Variants in KCNQ1 observed in about 807,000 individuals in gnomAD.
KCNQ1 encodes potassium voltage-gated channel subfamily Q member 1.
KCNQ1 carries 49 observed loss-of-function variants against 72.4 expected under a neutral mutation model. The observed-to-expected ratio is 0.68, with a 90% CI of 0.54 to 0.86. The LOEUF is 0.86. Ranked by LOEUF, KCNQ1 falls within the 40% of genes least tolerant of loss-of-function variation. The pLI is 0.00. For synonymous variants in KCNQ1, 450 were observed against 412.6 expected (o/e 1.09, Z -1.10); for missense variants, 790 against 945.1 (o/e 0.84, Z 2.15).
rs1847430566 is a variant in KCNQ1 at position 2,808,902 on chromosome 11, T to G, written c.1794+30865T>G. Among the ~76,000 whole-genome samples the G allele has an allele frequency of 6.6e-6, 1 of 151,268 alleles. No individual in the cohort carries two copies. Among genetic ancestry groups the G allele is most frequent in the African/African-American group, 2.4e-5 (1 of 41,034 alleles). On this transcript the variant is annotated intron_variant, in intron 15 of 15. Coordinates refer to ENST00000155840, the MANE Select transcript of KCNQ1 (RefSeq NM_000218.3). This position sits in a 1 kb window ranked among gnomAD's most constrained non-coding sequence, Gnocchi z 6.0. ...GATGAACACATGGACAATGGGTGGGTAGATGGGTGAATAGATGGGTGGACA... is the reference window on the plus strand; with the variant it reads ...GATGAACACATGGACAATGGGTGGGGAGATGGGTGAATAGATGGGTGGACA...
chr11:2,586,659 A>G (rs1449296055), intron 8 of KCNQ1, among the ~76,000 whole-genome samples: 1 of 152,072 alleles, frequency 6.6e-6, no homozygotes, highest in African/African-American at 2.4e-5. Context: ...TGTGTGTGTA[A>G]CACTCGGGCC....
chr11:2,616,810 A>G, intron 10 of KCNQ1: 1 of 398,258 alleles, frequency 2.5e-6, no homozygotes, highest in Non-Finnish European at 4.4e-6. Flanking sequence ...CTAACATATC[A>G]TCCCTCCTAG....
chr11:2,773,891 AG>A (rs1373899802), intron 12 of KCNQ1, among the ~76,000 whole-genome samples: 1 of 151,836 alleles, frequency 6.6e-6, no homozygotes, highest in Non-Finnish European at 1.5e-5. Flanking sequence ...ACCTTACAGA[AG>A]GGGAGGATTG....
rs979629265 is a variant in KCNQ1, at chr11:2,457,611, A to T, written c.386+12127A>T. ...GGACATAATGATGAGAACAAGAGAC[A>T]CTGGGGAATACAAGAGTGGGGAGGG... On this transcript the variant is annotated intron_variant, in intron 1 of 15. Coordinates refer to ENST00000155840, the MANE Select transcript of KCNQ1 (RefSeq NM_000218.3). This position sits in a 1 kb window ranked among gnomAD's most constrained non-coding sequence, Gnocchi z 5.0. 2.0e-5 allele frequency among the ~76,000 whole-genome samples: 3 copies of T among 151,144 alleles called. No homozygotes were observed. In the East Asian group the frequency reaches 5.8e-4, roughly 29 times the overall value.
chr11:2,585,074 C>T (rs529361287), intron 7 of KCNQ1, 138 bp from the exon 8 acceptor site: 17 of 771,378 alleles, frequency 2.2e-5, no homozygotes, highest in African/African-American at 2.0e-4. Context: ...AGGCTGGGCC[C>T]GAGGTGGGAC....
chr11:2,747,585 C>G (rs1846160729), intron 11 of KCNQ1, among the ~76,000 whole-genome samples: 1 of 150,924 alleles, frequency 6.6e-6, no homozygotes, highest in Non-Finnish European at 1.5e-5. Context: ...AGACAGGACC[C>G]TCAAGAAACA....
chr11:2,712,584 T>G lies in KCNQ1; in HGVS notation c.1514+50503T>G, dbSNP rs1465667461. Reference sequence around the variant, plus strand: ...TGGCGGCCCAAATGTTAGACACTCTTCTCTCTTAGGTGGTTTGAGGAGACT... The same window carrying G: ...TGGCGGCCCAAATGTTAGACACTCTGCTCTCTTAGGTGGTTTGAGGAGACT... On this transcript the variant is annotated intron_variant, in intron 11 of 15. Coordinates refer to ENST00000155840, the MANE Select transcript of KCNQ1 (RefSeq NM_000218.3). This position sits in a 1 kb window ranked among gnomAD's most constrained non-coding sequence, Gnocchi z 6.4. 6.6e-6 allele frequency among the ~76,000 whole-genome samples: 1 copy of G among 152,122 alleles called. No individual in the cohort carries two copies. The highest frequency in any genetic ancestry group is 1.5e-5 in the Non-Finnish European group (1 of 68,010).
chr11:2,657,388 A>G lies in KCNQ1; in HGVS notation c.1394-4573A>G, dbSNP rs2133850406. 1 of 398,576 alleles carries G rather than the reference A, an allele frequency of 2.5e-6. No individual in the cohort carries two copies. The highest frequency in any genetic ancestry group is 4.4e-6 in the Non-Finnish European group (1 of 226,046). The allele number at this position is 398,576 out of a possible 1,614,324, so 24.7% of individuals were successfully genotyped here. A position where few individuals can be genotyped will look rare whatever the true frequency, so the allele number is the denominator to read the frequency against. Reference sequence around the variant, plus strand: ...TATATCTTCTTCATTGTCTCTTACTAAAGTTTTACAATTTTCTCCAGAGTT... The same window carrying G: ...TATATCTTCTTCATTGTCTCTTACTGAAGTTTTACAATTTTCTCCAGAGTT... On this transcript the variant is annotated intron_variant, in intron 10 of 15. Coordinates refer to ENST00000155840, the MANE Select transcript of KCNQ1 (RefSeq NM_000218.3). This position sits in a 1 kb window ranked among gnomAD's most constrained non-coding sequence, Gnocchi z 4.8.
At chr11:2,697,409 G>A (rs1850695919) in intron 11 of KCNQ1, 1 of 398,446 alleles carries the variant, frequency 2.5e-6, no homozygotes, top group Non-Finnish European at 4.4e-6. Flanking sequence ...GGTATGGCCA[G>A]GATGACATCC....
chr11:2,753,273 CAG>C (rs761492637), intron 11 of KCNQ1, among the ~76,000 whole-genome samples: 35 of 152,166 alleles, frequency 2.3e-4, no homozygotes, highest in South Asian at 2.1e-4. Context: ...TGCCGCCACT[CAG>C]GGGGATGGGT....
intron 1 of KCNQ1, among the ~76,000 whole-genome samples, chr11:2,461,003 C>G (rs547661413): frequency 2.6e-5 from 4 of 152,128 alleles, no homozygotes; most frequent in Non-Finnish European, 5.9e-5. Flanking sequence ...CGGGGGTGTC[C>G]GGGAGTCGGA....
chr11:2,613,569 T>A lies in KCNQ1; in HGVS notation c.1393+24715T>A. On this transcript the variant is annotated intron_variant, in intron 10 of 15. Coordinates refer to ENST00000155840, the MANE Select transcript of KCNQ1 (RefSeq NM_000218.3). The surrounding 1 kb of genome is among the most constrained non-coding windows in gnomAD (Gnocchi z 4.8). The stretch of plus-strand genomic sequence containing the variant: ...CTGCTATTCTTAGGAAGGCTTAATA[T>A]TTTTTCTTTAATTAGCACTTTTCAA... 1 of 398,558 alleles carries A rather than the reference T, an allele frequency of 2.5e-6. No homozygotes were observed. Among genetic ancestry groups the A allele is most frequent in the Non-Finnish European group, 4.4e-6 (1 of 226,052 alleles). The allele number at this position is 398,558 out of a possible 1,614,324, so 24.7% of individuals were successfully genotyped here.
In KCNQ1 at chr11:2,587,568, A is replaced by G. The variant is rs768022350; in HGVS notation, c.1129-2A>G. The G allele has an allele frequency of 1.2e-6, 2 of 1,613,720 alleles. No individual in the cohort carries two copies. On this transcript the variant is annotated splice_acceptor_variant, in intron 8 of 15. Coordinates refer to ENST00000155840, the MANE Select transcript of KCNQ1 (RefSeq NM_000218.3). LOFTEE classifies it high-confidence loss of function. ...ACAGCCTGTCCCCCTGCCCGACCTC[A>G]GACCGCATGGAGGTGCTATGCTGCC...
chr11:2,806,382 TTGTC>T (rs775102024), intron 15 of KCNQ1, among the ~76,000 whole-genome samples: 6 of 152,170 alleles, frequency 3.9e-5, no homozygotes, highest in Admixed American at 2.6e-4. Context: ...CCTCCGTAAT[TTGTC>T]TGTCCTTCCC....
Position 2,657,345 on chromosome 11 carries a change from A to C in KCNQ1, c.1394-4616A>C, listed in dbSNP as rs1849867959. 2.5e-6 allele frequency: 1 copy of C among 398,616 alleles called. No individual in the cohort carries two copies. 24.7% of individuals were successfully genotyped at this position (398,616 alleles called of 1,614,324 possible). On this transcript the variant is annotated intron_variant, in intron 10 of 15. Transcript: ENST00000155840. This position sits in a 1 kb window ranked among gnomAD's most constrained non-coding sequence, Gnocchi z 4.8. ...ATTGAGTCTTCTAGTCATTGGAATGAAGGCATATTTCTCCATTTATATCTT... is the reference window on the plus strand; with the variant it reads ...ATTGAGTCTTCTAGTCATTGGAATGCAGGCATATTTCTCCATTTATATCTT...
intron 10 of KCNQ1, chr11:2,616,153 T>C: frequency 2.5e-6 from 1 of 398,110 alleles, no homozygotes; most frequent in Non-Finnish European, 4.4e-6. Context: ...CATAGTATTC[T>C]TTTATCACAC....
At position 2,698,494 on chromosome 11, in the gene KCNQ1, A is replaced by G; in HGVS notation, c.1514+36413A>G. The G allele has an allele frequency of 2.5e-6, 1 of 398,520 alleles. No homozygotes were observed. The highest frequency in any genetic ancestry group is 4.4e-6 in the Non-Finnish European group (1 of 226,052). 24.7% of individuals were successfully genotyped at this position (398,520 alleles called of 1,614,324 possible). On this transcript the variant is annotated intron_variant, in intron 11 of 15. Coordinates refer to ENST00000155840, the MANE Select transcript of KCNQ1 (RefSeq NM_000218.3). The surrounding 1 kb of genome is among the most constrained non-coding windows in gnomAD (Gnocchi z 5.1). ...CCAATATGACCAAGAGACTTCTACCACTACCTCTCACCTGGCAGGTGATCA... is the reference window on the plus strand; with the variant it reads ...CCAATATGACCAAGAGACTTCTACCGCTACCTCTCACCTGGCAGGTGATCA...
At chr11:2,551,735 T>C (rs534387541) in intron 2 of KCNQ1, among the ~76,000 whole-genome samples, 1 of 152,390 alleles carries the variant, frequency 6.6e-6, no homozygotes, top group Non-Finnish European at 1.5e-5. Flanking sequence ...ACGAGCATTC[T>C]GGCTCCTATG....
intron 2 of KCNQ1, among the ~76,000 whole-genome samples, chr11:2,535,862 C>A (rs1433329182): frequency 6.6e-6 from 1 of 152,232 alleles, no homozygotes; most frequent in Non-Finnish European, 1.5e-5. Context: ...CGCTGCTGCT[C>A]CCCGGAGGCA....
Sources: allele counts gnomAD v4.1 joint callset (sites outside exome capture counted in the v4.1 genomes callset), GRCh38; gene constraint gnomAD v4.1.1; non-coding constraint Gnocchi (gnomAD v3.1); transcripts MANE v1.5; gene names NCBI Gene and HGNC (gene_info 2026-07-23, HGNC 2026-07-21).